Variants in AFF3 observed in about 807,000 individuals in gnomAD.
The protein encoded by AFF3 is ALF transcription elongation factor 3.
A neutral mutation model predicts 129.7 loss-of-function variants in AFF3; 32 were observed. The ratio of observed to expected loss-of-function variants is 0.25; its 90% CI spans 0.19 to 0.33. The LOEUF is 0.33. Ranked by LOEUF, AFF3 falls within the 10% of genes least tolerant of loss-of-function variation. The pLI is 1.00. For synonymous variants in AFF3, 644 were observed against 635.4 expected (o/e 1.01, Z -0.20); for missense variants, 1,373 against 1,592.0 (o/e 0.86, Z 2.34).
chr2:100,106,044 G>A lies in AFF3; in HGVS notation c.-144-461C>T, dbSNP rs1034145288. On this transcript the variant is annotated intron_variant, in intron 2 of 24. Transcript: ENST00000672756. ...TCATCCTCTCACCTCACCCACCTCC[G>A]AATGAGGATTAACAAACTCAATTCA... 1.7e-5 allele frequency: 22 copies of A among 1,316,718 alleles called. No individual in the cohort carries two copies. In the South Asian group the frequency reaches 1.8e-4, roughly 11 times the overall value. The allele number at this position is 1,316,718 out of a possible 1,614,324, so 81.6% of individuals were successfully genotyped here.
intron 7 of AFF3, among the ~76,000 whole-genome samples, chr2:99,971,708 C>A (rs185021480): frequency 1.3e-5 from 2 of 152,242 alleles, no homozygotes; most frequent in Admixed American, 1.3e-4. Flanking sequence ...ATTTGAAGGG[C>A]ATTTTGGTTT....
At chr2:100,076,208 T>C (rs933475719) in intron 4 of AFF3, among the ~76,000 whole-genome samples, 11 of 152,196 alleles carry the variant, frequency 7.2e-5, no homozygotes, top group Non-Finnish European at 1.6e-4. Context: ...GAACTCTGCC[T>C]TATCCTCAAT....
chr2:100,040,108 C>T (rs1685299446), intron 4 of AFF3, among the ~76,000 whole-genome samples: 1 of 152,212 alleles, frequency 6.6e-6, no homozygotes, highest in Admixed American at 6.5e-5. Context: ...GGAATTTCAT[C>T]AACCTAAATG....
In AFF3 at chr2:99,599,393, G is replaced by A. The variant is rs148268589; in HGVS notation, c.1371+2042C>T. ...CCTGCCTCAGGCTCCTGAGGAGCCGGGATTACAGGCGCCCACCACCACACC... is the reference window on the plus strand; with the variant it reads ...CCTGCCTCAGGCTCCTGAGGAGCCGAGATTACAGGCGCCCACCACCACACC... On this transcript the variant is annotated intron_variant, in intron 14 of 24. Transcript: ENST00000672756. 3.2e-3 allele frequency among the ~76,000 whole-genome samples: 487 copies of A among 152,144 alleles called. 6 individuals carry two copies. Among genetic ancestry groups the A allele is most frequent in the African/African-American group, 0.011 (464 of 41,516 alleles).
At chr2:99,613,122 T>C (rs1681090668) in intron 13 of AFF3, among the ~76,000 whole-genome samples, 3 of 152,226 alleles carry the variant, frequency 2.0e-5, no homozygotes, top group African/African-American at 4.8e-5. Context: ...TGAATTTAGC[T>C]TGCTCGCATT....
At chr2:100,027,190 A>G (rs1195918634) in intron 4 of AFF3, among the ~76,000 whole-genome samples, 3 of 152,216 alleles carry the variant, frequency 2.0e-5, no homozygotes, top group Non-Finnish European at 2.9e-5. Context: ...GGACATTCCA[A>G]GTCTCAAAGT....
chr2:99,850,866 A>G (rs910690120), intron 7 of AFF3, among the ~76,000 whole-genome samples: 3 of 152,216 alleles, frequency 2.0e-5, no homozygotes, highest in African/African-American at 7.2e-5. Flanking sequence ...AACAAATTAA[A>G]TGGATTAATT....
At chr2:99,777,971 A>AAAAAAAAG (rs1684068643) in intron 8 of AFF3, among the ~76,000 whole-genome samples, 1 of 140,504 alleles carries the variant, frequency 7.1e-6, no homozygotes. Flanking sequence ...AAAAAAAAAA[A>AAAAAAAAG]CAAAATGCAA....
At chr2:99,917,909 C>T (rs1321623528) in intron 7 of AFF3, among the ~76,000 whole-genome samples, 2 of 151,818 alleles carry the variant, frequency 1.3e-5, no homozygotes, top group Non-Finnish European at 2.9e-5. Context: ...TATTATATGG[C>T]CGTTATATAA....
intron 7 of AFF3, among the ~76,000 whole-genome samples, chr2:99,920,775 G>A (rs1323364397): frequency 6.6e-6 from 1 of 151,976 alleles, no homozygotes; most frequent in Non-Finnish European, 1.5e-5. Flanking sequence ...TCATGTGTAT[G>A]TAAAAAATCT....
chr2:99,581,601 C>A (rs1000622451), intron 17 of AFF3, among the ~76,000 whole-genome samples: 8 of 152,020 alleles, frequency 5.3e-5, no homozygotes, highest in African/African-American at 1.9e-4. Flanking sequence ...TCACTGTAAC[C>A]TCCACCTCCC....
At chr2:99,984,067 C>A (rs1174872168) in intron 7 of AFF3, among the ~76,000 whole-genome samples, 6 of 151,982 alleles carry the variant, frequency 3.9e-5, no homozygotes, top group African/African-American at 1.2e-4. Flanking sequence ...AAGGGTTTTG[C>A]CCCCAGATTG....
chr2:99,982,613 G>C (rs1456722064), intron 7 of AFF3, among the ~76,000 whole-genome samples: 1 of 152,174 alleles, frequency 6.6e-6, no homozygotes, highest in East Asian at 1.9e-4. Flanking sequence ...GAATTTCCAA[G>C]TTTCATTCTG....
intron 8 of AFF3, among the ~76,000 whole-genome samples, chr2:99,772,386 C>T (rs1452005737): frequency 6.6e-6 from 1 of 152,152 alleles, no homozygotes; most frequent in Non-Finnish European, 1.5e-5. Flanking sequence ...ACCCATTCCA[C>T]CCTGCCTCAG....
chr2:99,624,687 C>T (rs1348669730), intron 13 of AFF3, among the ~76,000 whole-genome samples: 1 of 152,204 alleles, frequency 6.6e-6, no homozygotes, highest in Non-Finnish European at 1.5e-5. Flanking sequence ...CAGGAATTCT[C>T]CTTAATGGCA....
Position 99,546,782 on chromosome 2 carries a change from G to T in AFF3, c.*4692C>A, listed in dbSNP as rs1019304917. 2.2e-4 allele frequency: 47 copies of T among 215,904 alleles called. No individual in the cohort carries two copies. Among genetic ancestry groups the T allele is most frequent in the African/African-American group, 9.9e-4 (44 of 44,332 alleles). The allele number at this position is 215,904 out of a possible 1,614,324, so 13.4% of individuals were successfully genotyped here. On this transcript the variant is annotated 3_prime_UTR_variant, in exon 25 of 25. Transcript: ENST00000672756. ...ACCATGTTGGTTTCAGTTGTGTGCA[G>T]TTCCCTGACTGCACACAAGTCAGGG...
rs192917584 is a variant in AFF3, at chr2:99,685,229, C to A, written c.1092-12640G>T. On this transcript the variant is annotated intron_variant, in intron 11 of 24. Transcript: ENST00000672756. ...GTGCTGGGATTACAGGCCTGAGCCA[C>A]CCCCCTGGCCTTTCTTTTTTAAAAA... is the stretch of plus-strand genomic sequence containing the variant. Among the ~76,000 whole-genome samples the A allele has an allele frequency of 5.1e-3, 775 of 152,270 alleles. 7 individuals carry two copies. The highest frequency in any genetic ancestry group is 0.017 in the African/African-American group (711 of 41,542).
At chr2:99,970,041 C>T (rs1474899236) in intron 7 of AFF3, among the ~76,000 whole-genome samples, 2 of 152,136 alleles carry the variant, frequency 1.3e-5, no homozygotes. Flanking sequence ...AACAACATAT[C>T]GCATAATAGC....
At chr2:99,577,348 C>T (rs1214856326) in intron 18 of AFF3, among the ~76,000 whole-genome samples, 1 of 152,134 alleles carries the variant, frequency 6.6e-6, no homozygotes, top group African/African-American at 2.4e-5. Context: ...TTTCTGTGCT[C>T]CATGTGACAC....
Sources: gnomAD v4.1 joint callset for allele counts (sites outside exome capture counted in the v4.1 genomes callset) on GRCh38, gnomAD v4.1.1 for gene constraint, MANE v1.5 for transcripts, NCBI Gene and HGNC (gene_info 2026-07-23, HGNC 2026-07-21) for gene names.